CCDC148: variants seen among roughly 807,000 people sequenced by gnomAD.
CCDC148 encodes coiled-coil domain-containing protein 148.
Under a neutral mutation model 85.7 loss-of-function variants are expected in CCDC148, and 89 were observed. The observed-to-expected ratio is 1.04, with a 90% CI of 0.87 to 1.24. The LOEUF is 1.24. Ranked by LOEUF, CCDC148 falls within the 50% of genes most tolerant of loss-of-function variation. The probability of loss-of-function intolerance (pLI) is 0.00; values close to 1 mark genes in which losing one functional copy is unlikely to be tolerated. For missense variants in CCDC148, 692 were observed against 671.7 expected (o/e 1.03, Z -0.33); for synonymous variants, 230 against 213.9 (o/e 1.08, Z -0.66).
chr2:158,405,087 A>G (rs1685942155), intron 1 of CCDC148, among the ~76,000 whole-genome samples: 1 of 152,104 alleles, frequency 6.6e-6, no homozygotes, highest in Non-Finnish European at 1.5e-5. Context: ...AAGAACATAT[A>G]TTTGTGTTTT....
At chr2:158,408,552 T>C (rs1230810171) in intron 1 of CCDC148, among the ~76,000 whole-genome samples, 4 of 152,084 alleles carry the variant, frequency 2.6e-5, no homozygotes, top group Non-Finnish European at 5.9e-5. Context: ...TAGTCACAAA[T>C]GACAGGATGT....
At chr2:158,403,628 G>A (rs900208571) in intron 1 of CCDC148, among the ~76,000 whole-genome samples, 13 of 151,684 alleles carry the variant, frequency 8.6e-5, no homozygotes, top group African/African-American at 2.9e-4. Flanking sequence ...CAATTAAATT[G>A]GCATTTAGTA....
intron 10 of CCDC148, among the ~76,000 whole-genome samples, chr2:158,231,812 G>C (rs78661155): frequency 2.0e-5 from 3 of 152,034 alleles, no homozygotes; most frequent in Non-Finnish European, 4.4e-5. Flanking sequence ...ATGGGAACCG[G>C]GCCAACAGTT....
intron 1 of CCDC148, among the ~76,000 whole-genome samples, chr2:158,406,629 T>TTGTTTTTGTTTTTG (rs1686029581): frequency 8.5e-6 from 1 of 117,490 alleles, no homozygotes; most frequent in Non-Finnish European, 1.8e-5. Flanking sequence ...TTTTTTTTTT[T>TTGTTTTTGTTTTTG]TTTTTTTTTT....
intron 9 of CCDC148, among the ~76,000 whole-genome samples, chr2:158,289,384 T>TG (rs1690783581): frequency 6.6e-6 from 1 of 151,606 alleles, no homozygotes; most frequent in Non-Finnish European, 1.5e-5. Flanking sequence ...TAAGAAAAAG[T>TG]GGGGTAACAC....
intron 12 of CCDC148, 47 bp downstream of exon 12, chr2:158,178,832 A>AT (rs3836162): frequency 0.24 from 306,787 of 1,279,470 alleles, 41,205 homozygotes; most frequent in East Asian, 0.61. Context: ...ACTTAGAAAC[A>AT]TTTTTTTTAA....
At chr2:158,330,522 T>C (rs1559074861) in intron 7 of CCDC148, among the ~76,000 whole-genome samples, 1 of 152,216 alleles carries the variant, frequency 6.6e-6, no homozygotes, top group Non-Finnish European at 1.5e-5. Context: ...GCTGGCCTCA[T>C]AGAATGAGTT....
At position 158,280,811 on chromosome 2, in the gene CCDC148, G is replaced by C. The variant is rs182790446; in HGVS notation, c.1110+28622C>G. Among the ~76,000 whole-genome samples, 615 of 152,180 alleles carry C rather than the reference G, an allele frequency of 4.0e-3. 3 individuals are homozygous for C. The highest frequency in any genetic ancestry group is 0.011 in the African/African-American group (461 of 41,522). ...ATCTACAGAACTCTCCACCCCAAAT[G>C]AACAGAATATACATTTTTTTCAGCA... On this transcript the variant is annotated intron_variant, in intron 9 of 13. Coordinates refer to ENST00000283233, the MANE Select transcript of CCDC148 (RefSeq NM_138803.4).
At chr2:158,339,716 CAA>C (rs948956207) in intron 5 of CCDC148, among the ~76,000 whole-genome samples, 4 of 152,006 alleles carry the variant, frequency 2.6e-5, no homozygotes, top group African/African-American at 9.7e-5. Context: ...ATCTAAATGG[CAA>C]AGAGTCACAT....
intron 1 of CCDC148, among the ~76,000 whole-genome samples, chr2:158,449,122 G>A (rs539999460): frequency 1.3e-5 from 2 of 152,222 alleles, no homozygotes; most frequent in Admixed American, 6.5e-5. Context: ...CACCGTGCCC[G>A]ACCGGAACTG....
chr2:158,425,292 C>A, intron 1 of CCDC148: 1 of 536,500 alleles, frequency 1.9e-6, no homozygotes, highest in Non-Finnish European at 3.7e-6. Context: ...CCAAAACAAT[C>A]ACCAGCCATA....
rs1559124485 is a variant in CCDC148 at position 158,406,630 on chromosome 2, T to TTTC, written c.26-48061_26-48060insGAA. ...TTAAATTTCTTTTTTTTTTTTTTTT[T>TTTC]TTTTTTTTTTGAGACAGTGTCTCCC... On this transcript the variant is annotated intron_variant, in intron 1 of 13. Coordinates refer to ENST00000283233, the MANE Select transcript of CCDC148 (RefSeq NM_138803.4). Among the ~76,000 whole-genome samples, 13 of 136,778 alleles carry TTTC rather than the reference T, an allele frequency of 9.5e-5. 1 individual carries two copies. Among genetic ancestry groups the TTTC allele is most frequent in the South Asian group, 9.3e-4 (4 of 4,296 alleles). The allele number at this position is 136,778 out of a possible 152,430, so 89.7% of individuals were successfully genotyped here.
At chr2:158,342,026 C>CTTTT (rs1159799812) in intron 3 of CCDC148, among the ~76,000 whole-genome samples, 298 of 62,404 alleles carry the variant, frequency 4.8e-3, no homozygotes, top group Non-Finnish European at 6.6e-3. Flanking sequence ...ATTTTCTTTT[C>CTTTT]TTTTTTTTTT....
chr2:158,296,701 C>G (rs1283717289), intron 9 of CCDC148, among the ~76,000 whole-genome samples: 1 of 152,180 alleles, frequency 6.6e-6, no homozygotes, highest in African/African-American at 2.4e-5. Context: ...AGTACAGCCT[C>G]TTTTAAACTT....
chr2:158,393,455 G>A (rs1034395982), intron 1 of CCDC148: 1 of 152,144 alleles, frequency 6.6e-6, no homozygotes, highest in African/African-American at 2.4e-5. Context: ...ATAGCAGGGG[G>A]CTTTCATCAA....
At chr2:158,282,094 C>T (rs2105176772) in intron 9 of CCDC148, among the ~76,000 whole-genome samples, 1 of 151,664 alleles carries the variant, frequency 6.6e-6, no homozygotes. Flanking sequence ...ATGCTAAAAA[C>T]TCTCAATAAA....
intron 9 of CCDC148, among the ~76,000 whole-genome samples, chr2:158,302,432 T>A (rs1017622686): frequency 3.3e-5 from 5 of 151,952 alleles, no homozygotes; most frequent in African/African-American, 1.2e-4. Flanking sequence ...CCAGATGAAG[T>A]TAACTCTTCC....
At chr2:158,238,369 T>A (rs1688204866) in intron 10 of CCDC148, among the ~76,000 whole-genome samples, 1 of 152,012 alleles carries the variant, frequency 6.6e-6, no homozygotes, top group African/African-American at 2.4e-5. Flanking sequence ...GGGTACAGAT[T>A]CTGAGAGGTG....
chr2:158,449,802 C>A (rs1688320769), intron 1 of CCDC148, among the ~76,000 whole-genome samples: 1 of 152,124 alleles, frequency 6.6e-6, no homozygotes, highest in Non-Finnish European at 1.5e-5. Flanking sequence ...TGGCCATATA[C>A]TTTATTCTCA....
Sources: gnomAD v4.1 joint callset for allele counts (sites outside exome capture counted in the v4.1 genomes callset) on GRCh38, gnomAD v4.1.1 for gene constraint, MANE v1.5 for transcripts, NCBI Gene and HGNC (gene_info 2026-07-23, HGNC 2026-07-21) for gene names.